PPP6R3: variants seen among roughly 807,000 people sequenced by gnomAD.
The protein encoded by PPP6R3 is protein phosphatase 6 regulatory subunit 3.
PPP6R3 carries 38 observed loss-of-function variants against 110.7 expected under a neutral mutation model. The observed-to-expected ratio is 0.34, with a 90% confidence interval of 0.26 to 0.45. The LOEUF (loss-of-function observed/expected upper bound fraction) is 0.45, where lower values mean the gene tolerates loss of function less well. Ranked by LOEUF, PPP6R3 falls within the 20% of genes least tolerant of loss-of-function variation. The probability of loss-of-function intolerance (pLI) is 1.00; values close to 1 mark genes in which losing one functional copy is unlikely to be tolerated. For synonymous variants in PPP6R3, 369 were observed against 373.5 expected, an observed-to-expected ratio of 0.99 and a Z score of 0.14; for missense variants, 870 against 1,062.4, an observed-to-expected ratio of 0.82 and a Z score of 2.52.
intron 17 of PPP6R3, among the ~76,000 whole-genome samples, chr11:68,591,238 A>G (rs1160741282): frequency 6.6e-6 from 1 of 152,186 alleles, no homozygotes; most frequent in Non-Finnish European, 1.5e-5. Context: ...GTAAAAGCAA[A>G]TAAGTACGGT....
At chr11:68,584,581 G>T (rs1299149581) in intron 15 of PPP6R3, among the ~76,000 whole-genome samples, 2 of 152,188 alleles carry the variant, frequency 1.3e-5, no homozygotes, top group African/African-American at 2.4e-5. Flanking sequence ...ATTTAGTCTA[G>T]ATTTGGTTAA....
chr11:68,515,831 A>C (rs2099133927), intron 1 of PPP6R3, among the ~76,000 whole-genome samples: 1 of 152,254 alleles, frequency 6.6e-6, no homozygotes, highest in Admixed American at 6.5e-5. Flanking sequence ...GAGGACAGAC[A>C]TTCAGCCAGA....
chr11:68,475,653 C>T (rs984655262), intron 1 of PPP6R3, among the ~76,000 whole-genome samples: 2 of 151,044 alleles, frequency 1.3e-5, no homozygotes, highest in African/African-American at 4.9e-5. Context: ...ACCTCCCTCC[C>T]GGACGGGGCG....
chr11:68,600,524 T>G, intron 20 of PPP6R3, 30 bp downstream of exon 20: 1 of 1,584,118 alleles, frequency 6.3e-7, no homozygotes, highest in Non-Finnish European at 8.6e-7. Flanking sequence ...CTCTACACCC[T>G]TCCACGGGGG....
intron 16 of PPP6R3, among the ~76,000 whole-genome samples, chr11:68,588,623 A>G (rs984839077): frequency 1.3e-5 from 2 of 151,464 alleles, no homozygotes; most frequent in African/African-American, 4.8e-5. Flanking sequence ...GCACCTGGCT[A>G]ATTTGTTGTA....
At chr11:68,500,526 G>A (rs1482035908) in intron 1 of PPP6R3, among the ~76,000 whole-genome samples, 5 of 152,142 alleles carry the variant, frequency 3.3e-5, no homozygotes, top group Admixed American at 2.6e-4. Context: ...TGCCCAAGCC[G>A]GAGTGCAGTG....
chr11:68,557,075 G>A (rs2153718128), intron 7 of PPP6R3, among the ~76,000 whole-genome samples: 1 of 152,356 alleles, frequency 6.6e-6, no homozygotes, highest in South Asian at 2.1e-4. Flanking sequence ...ACAGTCACAT[G>A]CTGTCAGTAC....
chr11:68,553,863 A>G (rs909574197), intron 6 of PPP6R3, among the ~76,000 whole-genome samples: 1 of 152,094 alleles, frequency 6.6e-6, no homozygotes, highest in Admixed American at 6.6e-5. Context: ...GGGATGCTCA[A>G]TCTGTATTTT....
intron 20 of PPP6R3, 75 bp from the exon 21 acceptor site, chr11:68,601,788 A>T: frequency 8.2e-7 from 1 of 1,220,476 alleles, no homozygotes; most frequent in Non-Finnish European, 1.2e-6. Flanking sequence ...TTACTTGTAA[A>T]GGCTTATTGT....
intron 19 of PPP6R3, among the ~76,000 whole-genome samples, chr11:68,597,903 C>T (rs756088587): frequency 1.3e-5 from 2 of 151,918 alleles, no homozygotes; most frequent in Non-Finnish European, 2.9e-5. Context: ...TCGCTTGAAC[C>T]TGGGAGATGG....
chr11:68,558,804 C>A, intron 8 of PPP6R3, 125 bp downstream of exon 8: 1 of 685,864 alleles, frequency 1.5e-6, no homozygotes, highest in Non-Finnish European at 2.5e-6. Context: ...TCTTCTTCTG[C>A]TATATAAACC....
In PPP6R3 at chr11:68,608,490, A is replaced by G. The variant is rs142833909; in HGVS notation, c.2451-1414A>G. On this transcript the variant is annotated intron_variant, in intron 22 of 23. Transcript: ENST00000393800. Reference sequence around the variant, plus strand: ...ACAGACCAGGGCAGTCATTCTGGGTAGTAGCGTGGGCTTCTTTGTAGGTAG... The same window carrying G: ...ACAGACCAGGGCAGTCATTCTGGGTGGTAGCGTGGGCTTCTTTGTAGGTAG... Among the ~76,000 whole-genome samples, 448 of 152,332 alleles carry G rather than the reference A, an allele frequency of 2.9e-3. 2 individuals carry two copies. The highest frequency in any genetic ancestry group is 9.7e-3 in the African/African-American group (404 of 41,576).
chr11:68,614,058 C>T lies in PPP6R3; in HGVS notation c.*941C>T, dbSNP rs1004121606. 8 of 985,478 alleles carry T rather than the reference C, an allele frequency of 8.1e-6. No individual in the cohort carries two copies. The African/African-American group carries it at 1.4e-4, about 17-fold the overall frequency. The allele number at this position is 985,478 out of a possible 1,614,324, so 61.0% of individuals were successfully genotyped here. A position where few individuals can be genotyped will look rare whatever the true frequency, so the allele number is the denominator to read the frequency against. ...CATATTTAACAGACCTAAAATAAAT[C>T]CTATTAGGCAAGTCAGTTGAAAATG... On this transcript the variant is annotated 3_prime_UTR_variant, in exon 24 of 24. Transcript: ENST00000393800.
intron 15 of PPP6R3, among the ~76,000 whole-genome samples, chr11:68,584,504 G>A (rs1423942110): frequency 1.3e-5 from 2 of 152,168 alleles, no homozygotes; most frequent in Non-Finnish European, 2.9e-5. Flanking sequence ...TGTACCTGTT[G>A]AAATACAGCT....
rs150834415 is a variant in PPP6R3 at position 68,492,720 on chromosome 11, A to G, written c.-157-26781A>G. On this transcript the variant is annotated intron_variant, in intron 1 of 23. Coordinates refer to ENST00000393800, the MANE Select transcript of PPP6R3 (RefSeq NM_001164161.2). The stretch of plus-strand genomic sequence containing the variant: ...GTTTTCCATGACTGTACCATTTTAC[A>G]TTTCCCCAGTGGCACATGAGGGTTC... 4.2e-3 allele frequency among the ~76,000 whole-genome samples: 632 copies of G among 152,214 alleles called. 4 individuals carry two copies. The highest frequency in any genetic ancestry group is 0.014 in the African/African-American group (581 of 41,530).
intron 3 of PPP6R3, among the ~76,000 whole-genome samples, chr11:68,541,674 CAG>C (rs2099316456): frequency 6.6e-6 from 1 of 152,122 alleles, no homozygotes; most frequent in Non-Finnish European, 1.5e-5. Context: ...AGATCGCCTG[CAG>C]AGCTGATGGA....
At chr11:68,511,273 GTAAGGCTGGTC>G (rs1274558723) in intron 1 of PPP6R3, among the ~76,000 whole-genome samples, 1 of 151,836 alleles carries the variant, frequency 6.6e-6, no homozygotes, top group Non-Finnish European at 1.5e-5. Context: ...CGCCATGTTG[GTAAGGCTGGTC>G]TCAAACTCCT....
chr11:68,525,958 TA>T (rs2099195142), intron 2 of PPP6R3, among the ~76,000 whole-genome samples: 1 of 152,214 alleles, frequency 6.6e-6, no homozygotes, highest in Non-Finnish European at 1.5e-5. Context: ...ACCACGTTAG[TA>T]TAGAATTCCC....
chr11:68,609,950 G>T lies in PPP6R3; in HGVS notation c.2497G>T (p.Ala833Ser), dbSNP rs748446630. 3.1e-5 allele frequency: 50 copies of T among 1,614,054 alleles called. No individual in the cohort carries two copies. Among genetic ancestry groups the T allele is most frequent in the Non-Finnish European group, 3.6e-5 (42 of 1,180,040 alleles). The change falls in exon 23 of 24, where the codon GCA becomes TCA. Residue 833 changes from alanine to serine, a missense_variant. Transcript: ENST00000393800. ...STSQDAACKD[A>S]EECPETAEAK... Reference sequence around the variant, plus strand: ...CTCTCAAGATGCTGCTTGTAAAGACGCAGAGGAGTGTCCCGAGACTGCAGA... The same window carrying T: ...CTCTCAAGATGCTGCTTGTAAAGACTCAGAGGAGTGTCCCGAGACTGCAGA...
Sources: allele counts gnomAD v4.1 joint callset (sites outside exome capture counted in the v4.1 genomes callset), GRCh38; gene constraint gnomAD v4.1.1; transcripts MANE v1.5; gene names NCBI Gene and HGNC (gene_info 2026-07-23, HGNC 2026-07-21).